The following FSIP2 variants were observed in gnomAD, a reference collection of about 807,000 sequenced individuals.
FSIP2 encodes the protein fibrous sheath-interacting protein 2.
In FSIP2, 367 loss-of-function variants were observed where a neutral mutation model predicts 510.5. The ratio of observed to expected loss-of-function variants is 0.72; its 90% confidence interval spans 0.66 to 0.78. FSIP2 has a LOEUF of 0.78. Among genes scored for constraint, FSIP2 ranks in the 30% least tolerant of loss-of-function variants. The pLI, the probability that FSIP2 is intolerant of heterozygous loss-of-function variation, is 0.00. For missense variants in FSIP2, 7,594 were observed against 7,901.7 expected (o/e 0.96, Z 1.48); for synonymous variants, 2,601 against 2,732.2 (o/e 0.95, Z 1.50).
At chr2:185,814,167 AT>A in intron 18 of FSIP2, 125 bp downstream of exon 18, 1 of 955,260 alleles carries the variant, frequency 1.0e-6, no homozygotes, top group Non-Finnish European at 1.6e-6. Flanking sequence ...GCCTGGTGAT[AT>A]TTACAGGATA....
Position 185,761,759 on chromosome 2 carries a change from T to TA in FSIP2, c.1195-212dup, listed in dbSNP as rs145984246. On this transcript the variant is annotated intron_variant, in intron 10 of 22. Coordinates refer to ENST00000424728, the MANE Select transcript of FSIP2 (RefSeq NM_173651.4). ...AGAAGTAAGTTTATACATTGCTACATATTGAACTCAGTTTTGGACTAGTTA... is the reference window on the plus strand; with the variant it reads ...AGAAGTAAGTTTATACATTGCTACATAATTGAACTCAGTTTTGGACTAGTTA... 7.0e-3 allele frequency among the ~76,000 whole-genome samples: 1,066 copies of TA among 151,366 alleles called. 12 individuals are homozygous for TA. The highest frequency in any genetic ancestry group is 0.025 in the African/African-American group (1,024 of 41,484).
intron 21 of FSIP2, among the ~76,000 whole-genome samples, chr2:185,831,211 G>C (rs1187294520): frequency 1.6e-4 from 24 of 151,834 alleles, no homozygotes; most frequent in Non-Finnish European, 1.5e-5. Flanking sequence ...TACCATTTTA[G>C]AATAGCTTCA....
chr2:185,806,838 T>C lies in FSIP2; in HGVS notation c.17532T>C (p.Ile5844=). The part of the protein sequence containing the change: ...SLLKEFSDAQ[I]KVFRPDKGNQ... ...TAAAGGAGTTCTCAGATGCTCAAAT[T>C]AAGGTTTTCAGGCCAGATAAGGGAA... The change falls in exon 17 of 23, where the codon ATT becomes ATC. Residue 5844 remains isoleucine, a synonymous_variant. Coordinates refer to ENST00000424728, the MANE Select transcript of FSIP2 (RefSeq NM_173651.4). 1.2e-6 allele frequency: 2 copies of C among 1,609,966 alleles called. No homozygotes were observed. The highest frequency in any genetic ancestry group is 8.5e-7 in the Non-Finnish European group (1 of 1,178,284).
In FSIP2 at chr2:185,796,057, CAA is replaced by C. The variant is rs748334953; in HGVS notation, c.8923_8924del (p.Lys2975AspfsTer34). On this transcript the variant is annotated frameshift_variant, in exon 16 of 23. Transcript: ENST00000424728. LOFTEE classifies it high-confidence loss of function. ...CTCAGCAGTTTACCAATCTATAACA[CAA>C]AGACAAAAGACCAAATTTCTGTGGG... The C allele has an allele frequency of 1.6e-5, 25 of 1,531,480 alleles. No homozygotes were observed. The highest frequency in any genetic ancestry group is 6.1e-6 in the Non-Finnish European group (7 of 1,145,236). The allele number at this position is 1,531,480 out of a possible 1,614,324, so 94.9% of individuals were successfully genotyped here.
At position 185,828,177 on chromosome 2, in the gene FSIP2, C is replaced by A; in HGVS notation, c.20495C>A (p.Pro6832Gln). 2 of 1,583,582 alleles carry A rather than the reference C, an allele frequency of 1.3e-6. No homozygotes were observed. The highest frequency in any genetic ancestry group is 1.7e-6 in the Non-Finnish European group (2 of 1,154,346). The stretch of plus-strand genomic sequence containing the variant: ...ACAGAAAGTTCTCAGGAACAAAAGC[C>A]AGAGCATGGAAACAGTGTTAAGGTA... Reference protein sequence around the residue: ...ILEESSQEQKPEHGNSVKFIT... With the variant: ...ILEESSQEQKQEHGNSVKFIT... Residue 6832 changes from proline to glutamine, a missense_variant, in exon 21 of 23, where the codon CCA becomes CAA. Transcript: ENST00000424728.
chr2:185,756,910 C>A (rs537313185), intron 9 of FSIP2, among the ~76,000 whole-genome samples: 2 of 151,350 alleles, frequency 1.3e-5, no homozygotes, highest in South Asian at 2.1e-4. Context: ...TGTTTAAAAT[C>A]TTTTCTTCCC....
Position 185,803,879 on chromosome 2 carries a change from A to G in FSIP2, c.14573A>G (p.Lys4858Arg). The G allele has an allele frequency of 6.6e-7, 1 of 1,524,792 alleles. No individual in the cohort carries two copies. The highest frequency in any genetic ancestry group is 8.8e-7 in the Non-Finnish European group (1 of 1,139,404). 94.5% of individuals were successfully genotyped at this position (1,524,792 alleles called of 1,614,324 possible). The change falls in exon 17 of 23, where the codon AAA (lysine) becomes AGA (arginine). Residue 4858 changes from lysine (K) to arginine (R), a missense_variant. Lys to Arg is a conservative substitution (Grantham distance 26). Coordinates refer to ENST00000424728, the MANE Select transcript of FSIP2 (RefSeq NM_173651.4). ...GNKKQSMISA[K>R]DIQSMVDSIY... ...AAAAAACAGAGTATGATTTCAGCAA[A>G]AGATATCCAGTCTATGGTTGATTCC...
intron 13 of FSIP2, chr2:185,765,501 A>G (rs1692452625): frequency 6.6e-6 from 1 of 151,974 alleles, no homozygotes; most frequent in African/African-American, 2.4e-5. Flanking sequence ...CCATTGATCT[A>G]TATCTTTGTT....
At chr2:185,785,658 A>C (rs1692955758) in intron 14 of FSIP2, among the ~76,000 whole-genome samples, 1 of 151,976 alleles carries the variant, frequency 6.6e-6, no homozygotes, top group South Asian at 2.1e-4. Flanking sequence ...TGTGACGGTA[A>C]ATCTAACAAC....
chr2:185,812,660 G>A (rs922429785), intron 17 of FSIP2, among the ~76,000 whole-genome samples: 4 of 151,976 alleles, frequency 2.6e-5, no homozygotes, highest in Non-Finnish European at 5.9e-5. Flanking sequence ...TAAAACCACT[G>A]GTAGTAACAT....
In FSIP2 at chr2:185,738,860, C is replaced by T. The variant is rs1214906792; in HGVS notation, c.-35C>T. 1.3e-6 allele frequency: 2 copies of T among 1,527,562 alleles called. No homozygotes were observed. 94.6% of individuals were successfully genotyped at this position (1,527,562 alleles called of 1,614,324 possible). ...GGGGTGCTAGAGAAGGAGAGCGGGG[C>T]GGGTGAGGAAGGGGCTGAGGGGGCT... On this transcript the variant is annotated 5_prime_UTR_variant, in exon 1 of 23. Coordinates refer to ENST00000424728, the MANE Select transcript of FSIP2 (RefSeq NM_173651.4).
chr2:185,741,967 G>A (rs1243501490), intron 2 of FSIP2, among the ~76,000 whole-genome samples: 9 of 152,138 alleles, frequency 5.9e-5, no homozygotes, highest in Admixed American at 5.2e-4. Context: ...GACCCAAATT[G>A]GTGCCTCTAG....
rs911626952 is a variant in FSIP2, at chr2:185,808,262, T to C, written c.18956T>C (p.Met6319Thr). ...TTAGTTCTGGAAGCTGTCAAAATTA[T>C]GGAAAAAGTGATCAAAATTATTGAT... is the stretch of plus-strand genomic sequence containing the variant. Reference protein sequence around the residue: ...SELVLEAVKIMEKVIKIIDEL... With the variant: ...SELVLEAVKITEKVIKIIDEL... Residue 6319 changes from methionine (M) to threonine (T), a missense_variant, in exon 17 of 23, where the codon ATG (methionine) becomes ACG (threonine). Met to Thr is a moderately conservative substitution (Grantham distance 81). Coordinates refer to ENST00000424728, the MANE Select transcript of FSIP2 (RefSeq NM_173651.4). 5 of 1,600,560 alleles carry C rather than the reference T, an allele frequency of 3.1e-6. No homozygotes were observed. The African/African-American group carries it at 6.8e-5, about 22-fold the overall frequency.
Position 185,769,844 on chromosome 2 carries a change from T to G in FSIP2, c.1411+5279T>G, listed in dbSNP as rs538418169. Among the ~76,000 whole-genome samples, 4 of 152,240 alleles carry G rather than the reference T, an allele frequency of 2.6e-5. No individual in the cohort carries two copies. In the East Asian group the frequency reaches 7.7e-4, roughly 29 times the overall value. On this transcript the variant is annotated intron_variant, in intron 13 of 22. Coordinates refer to ENST00000424728, the MANE Select transcript of FSIP2 (RefSeq NM_173651.4). The stretch of plus-strand genomic sequence containing the variant: ...CTTCCGCATATGGCTAGCCAGTTAT[T>G]CCAGAACCATTTATTGAATAGGGAA...
intron 17 of FSIP2, among the ~76,000 whole-genome samples, chr2:185,811,507 GA>G (rs534321603): frequency 1.6e-4 from 23 of 143,796 alleles, no homozygotes; most frequent in East Asian, 1.0e-3. Flanking sequence ...ATGTGGCAAA[GA>G]AAAAAAAAAG....
At position 185,804,391 on chromosome 2, in the gene FSIP2, T is replaced by C; in HGVS notation, c.15085T>C (p.Tyr5029His). Residue 5029 changes from tyrosine (Y) to histidine (H), a missense_variant, in exon 17 of 23, where the codon TAT becomes CAT. Physicochemically the swap from Tyr to His is moderately conservative, Grantham distance 83. Transcript: ENST00000424728. Reference sequence around the variant, plus strand: ...GGTTCAAAAAATAGTCAACTCAGTATATGGAAAAGTATTAGATCAATATAA... The same window carrying C: ...GGTTCAAAAAATAGTCAACTCAGTACATGGAAAAGTATTAGATCAATATAA... ...EMVQKIVNSV[Y>H]GKVLDQYKSL... The C allele has an allele frequency of 6.6e-7, 1 of 1,503,886 alleles. No individual in the cohort carries two copies. 93.2% of individuals were successfully genotyped at this position (1,503,886 alleles called of 1,614,324 possible).
At chr2:185,780,602 T>C (rs865821318) in intron 13 of FSIP2, among the ~76,000 whole-genome samples, 1 of 151,890 alleles carries the variant, frequency 6.6e-6, no homozygotes, top group Non-Finnish European at 1.5e-5. Flanking sequence ...AGTCCTCTTA[T>C]TTGCTATTTT....
chr2:185,786,793 A>T (rs1006241886), intron 15 of FSIP2, among the ~76,000 whole-genome samples: 2 of 151,922 alleles, frequency 1.3e-5, no homozygotes, highest in East Asian at 3.9e-4. Context: ...CCGAAAAGTC[A>T]GGAAAGAGAA....
chr2:185,759,192 C>G (rs1692301674), intron 9 of FSIP2, among the ~76,000 whole-genome samples: 1 of 150,544 alleles, frequency 6.6e-6, no homozygotes, highest in African/African-American at 2.4e-5. Flanking sequence ...AAAAGACATC[C>G]CCTTTTTTCT....
Sources: gnomAD v4.1 joint callset for allele counts (sites outside exome capture counted in the v4.1 genomes callset) on GRCh38, gnomAD v4.1.1 for gene constraint, MANE v1.5 for transcripts, NCBI Gene and HGNC (gene_info 2026-07-23, HGNC 2026-07-21) for gene names.